The following ACKR2 variants were observed in gnomAD, a reference collection of about 807,000 sequenced individuals.
The protein encoded by ACKR2 is C-C chemokine receptor D6.
For synonymous variants in ACKR2, 207 were observed against 192.2 expected (o/e 1.08, Z -0.64); for missense variants, 457 against 477.3 (o/e 0.96, Z 0.40).
At position 42,865,453 on chromosome 3, in the gene ACKR2, C is replaced by A; in HGVS notation, c.951C>A (p.His317Gln). ...FSPILYAFSS[H>Q]RFRQYLKAFL... ...CCATCCTGTATGCCTTCTCCAGTCA[C>A]CGCTTCCGCCAGTACCTGAAGGCTT... is the stretch of plus-strand genomic sequence containing the variant. Residue 317 changes from histidine (H) to glutamine (Q), a missense_variant, in exon 3 of 3, where the codon CAC becomes CAA. His to Gln is a conservative substitution (Grantham distance 24). Coordinates refer to ENST00000422265, the MANE Select transcript of ACKR2 (RefSeq NM_001296.5). 6.2e-7 allele frequency: 1 copy of A among 1,614,216 alleles called. No individual in the cohort carries two copies. The highest frequency in any genetic ancestry group is 2.2e-5 in the East Asian group (1 of 44,862).
rs1457535732 is a variant in ACKR2 at position 42,861,374 on chromosome 3, G to T, written c.-37-3092G>T. ...TCTGAAATTGAGGCAGTAATTAATG[G>T]CCTCCCAACCATAAAAAGCCCAGGA... is the stretch of plus-strand genomic sequence containing the variant. On this transcript the variant is annotated intron_variant, in intron 2 of 2. Coordinates refer to ENST00000422265, the MANE Select transcript of ACKR2 (RefSeq NM_001296.5). Among the ~76,000 whole-genome samples the T allele has an allele frequency of 2.0e-5, 3 of 152,076 alleles. No individual in the cohort carries two copies. The East Asian group carries it at 5.8e-4, about 29-fold the overall frequency.
chr3:42,851,956 T>G (rs1355893175), intron 2 of ACKR2, among the ~76,000 whole-genome samples: 1 of 152,186 alleles, frequency 6.6e-6, no homozygotes, highest in Non-Finnish European at 1.5e-5. Context: ...ATTCAAATAG[T>G]CCCTGGATCT....
chr3:42,848,214 T>G (rs1194108495), intron 2 of ACKR2, among the ~76,000 whole-genome samples: 1 of 57,352 alleles, frequency 1.7e-5, no homozygotes, highest in Admixed American at 2.9e-4. Flanking sequence ...AAAAAAAAAA[T>G]TTTTTTTTTT....
At chr3:42,846,970 C>T (rs565391369) in intron 2 of ACKR2, among the ~76,000 whole-genome samples, 2 of 152,150 alleles carry the variant, frequency 1.3e-5, no homozygotes, top group South Asian at 2.1e-4. Context: ...AAAAGAGCAC[C>T]GGAGTAGGAG....
chr3:42,865,656 G>A lies in ACKR2; in HGVS notation c.1154G>A (p.Ter385=). The A allele has an allele frequency of 6.2e-7, 1 of 1,600,940 alleles. No homozygotes were observed. The highest frequency in any genetic ancestry group is 8.5e-7 in the Non-Finnish European group (1 of 1,172,946). The change falls in exon 3 of 3, where the codon TGA becomes TAA. Residue 385 remains the stop codon, a stop_retained_variant. Transcript: ENST00000422265. ...GAGGATGTGGGGAATAAATCAGCCTGAGTGACCAAATTTTGGTCTGGTGGG... is the reference window on the plus strand; with the variant it reads ...GAGGATGTGGGGAATAAATCAGCCTAAGTGACCAAATTTTGGTCTGGTGGG... ...NKEDVGNKSA[*]
intron 2 of ACKR2, among the ~76,000 whole-genome samples, chr3:42,843,648 G>T (rs897529228): frequency 2.0e-5 from 3 of 152,102 alleles, no homozygotes; most frequent in Non-Finnish European, 4.4e-5. Context: ...AATTTTGCTG[G>T]GTGGCTAACT....
chr3:42,813,647 G>A (rs1700717115), intron 1 of ACKR2, among the ~76,000 whole-genome samples: 1 of 152,166 alleles, frequency 6.6e-6, no homozygotes. Flanking sequence ...CTCCAACACT[G>A]AGAATGACAA....
At position 42,852,403 on chromosome 3, in the gene ACKR2, C is replaced by T. The variant is rs754724708; in HGVS notation, c.-37-12063C>T. On this transcript the variant is annotated intron_variant, in intron 2 of 2. Transcript: ENST00000422265. This position sits in a 1 kb window ranked among gnomAD's most constrained non-coding sequence, Gnocchi z 4.3. ...CTGCAGCAGCAGCTCCTTGAAGGGT[C>T]GGGCTCTGAAAGTGCTTACTTTTTG... 3.9e-5 allele frequency: 6 copies of T among 152,196 alleles called. No homozygotes were observed. The highest frequency in any genetic ancestry group is 2.1e-4 in the South Asian group (1 of 4,826). 9.4% of individuals were successfully genotyped at this position (152,196 alleles called of 1,614,324 possible). A position where few individuals can be genotyped will look rare whatever the true frequency, so the allele number is the denominator to read the frequency against.
chr3:42,831,039 TAAAA>T (rs921181094), intron 2 of ACKR2, among the ~76,000 whole-genome samples: 5 of 146,326 alleles, frequency 3.4e-5, no homozygotes, highest in African/African-American at 7.6e-5. Context: ...GCAAAAAAAA[TAAAA>T]AAAAAGAGAA....
At chr3:42,846,357 A>G (rs1297925326) in intron 2 of ACKR2, among the ~76,000 whole-genome samples, 1 of 152,156 alleles carries the variant, frequency 6.6e-6, no homozygotes, top group Non-Finnish European at 1.5e-5. Flanking sequence ...AAATATTTAA[A>G]AGAAAATAGT....
chr3:42,839,379 C>T (rs534700214), intron 2 of ACKR2: 7 of 152,080 alleles, frequency 4.6e-5, no homozygotes, highest in Non-Finnish European at 1.0e-4. Flanking sequence ...TGATAACTCC[C>T]ATCAACAGTG....
At chr3:42,812,331 A>G (rs1423849317) in intron 1 of ACKR2, among the ~76,000 whole-genome samples, 1 of 152,242 alleles carries the variant, frequency 6.6e-6, no homozygotes, top group African/African-American at 2.4e-5. Context: ...CATACTTTCT[A>G]ATATTGCTTT....
chr3:42,812,081 C>T (rs976155172), intron 1 of ACKR2, among the ~76,000 whole-genome samples: 2 of 152,196 alleles, frequency 1.3e-5, no homozygotes, highest in African/African-American at 4.8e-5. Context: ...TCCCCTGGGA[C>T]CACTGTTCTT....
chr3:42,855,139 G>A (rs2088299786), intron 2 of ACKR2, among the ~76,000 whole-genome samples: 1 of 152,112 alleles, frequency 6.6e-6, no homozygotes, highest in East Asian at 1.9e-4. Flanking sequence ...TTACAAGCAT[G>A]AGCCACCACA....
intron 2 of ACKR2, among the ~76,000 whole-genome samples, chr3:42,864,026 A>G (rs2088408659): frequency 6.6e-6 from 1 of 152,218 alleles, no homozygotes; most frequent in East Asian, 1.9e-4. Flanking sequence ...ATTTTTTAAA[A>G]AAGCCCCACT....
chr3:42,830,857 G>C (rs1258270031), intron 2 of ACKR2, among the ~76,000 whole-genome samples: 2 of 151,828 alleles, frequency 1.3e-5, no homozygotes, highest in Non-Finnish European at 2.9e-5. Flanking sequence ...ACATTCTATG[G>C]ATGCTCCGGT....
At chr3:42,830,710 A>G (rs1455254886) in intron 2 of ACKR2, among the ~76,000 whole-genome samples, 3 of 150,938 alleles carry the variant, frequency 2.0e-5, no homozygotes, top group Middle Eastern at 3.4e-3. Context: ...TTATTTTCAG[A>G]AAGTCTTTGT....
chr3:42,828,535 T>C (rs1009846392), intron 2 of ACKR2, among the ~76,000 whole-genome samples: 2 of 152,228 alleles, frequency 1.3e-5, no homozygotes, highest in African/African-American at 4.8e-5. Context: ...CATCTTGTTT[T>C]AAGGGGAACC....
intron 2 of ACKR2, among the ~76,000 whole-genome samples, chr3:42,839,813 G>T (rs764577236): frequency 4.6e-5 from 7 of 152,180 alleles, no homozygotes; most frequent in Non-Finnish European, 8.8e-5. Context: ...TTGGGCTGCG[G>T]TGTTTAGAAT....
Sources: allele counts gnomAD v4.1 joint callset (sites outside exome capture counted in the v4.1 genomes callset), GRCh38; gene constraint gnomAD v4.1.1; non-coding constraint Gnocchi (gnomAD v3.1); transcripts MANE v1.5; gene names NCBI Gene and HGNC (gene_info 2026-07-23, HGNC 2026-07-21).